The following DDX60L variants were observed in gnomAD, a reference collection of about 807,000 sequenced individuals.
The protein encoded by DDX60L is probable ATP-dependent RNA helicase DDX60-like.
In DDX60L, 191 loss-of-function variants were observed where a neutral mutation model predicts 211.6. The observed-to-expected ratio is 0.90, with a 90% CI of 0.80 to 1.02. The LOEUF (loss-of-function observed/expected upper bound fraction) is 1.02. Ranked by LOEUF, DDX60L falls within the 50% of genes least tolerant of loss-of-function variation. DDX60L has a pLI of 0.00. For missense variants in DDX60L, 2,007 were observed against 1,984.1 expected (o/e 1.01, Z -0.22); for synonymous variants, 706 against 694.1 (o/e 1.02, Z -0.27).
chr4:168,427,300 G>C lies in DDX60L; in HGVS notation c.1700C>G (p.Thr567Ser), dbSNP rs762945646. The C allele has an allele frequency of 1.1e-5, 17 of 1,613,008 alleles. No homozygotes were observed. Among genetic ancestry groups the C allele is most frequent in the Admixed American group, 6.7e-5 (4 of 59,958 alleles). ...AAATGACTTTTTCTTACTCTTTTTG[G>C]TAATTTGGTGGGGTTTGGTATTCTG... ...ILQNTKPHQI[T>S]KKSKKKSFLK... Residue 567 changes from threonine (T) to serine (S), a missense_variant, in exon 14 of 38, where the codon ACC becomes AGC. By Grantham distance (58) the Thr-to-Ser change is moderately conservative (BLOSUM62 1). Coordinates refer to ENST00000682922, the MANE Select transcript of DDX60L (RefSeq NM_001012967.3).
intron 33 of DDX60L, among the ~76,000 whole-genome samples, chr4:168,376,282 G>A (rs1202401607): frequency 6.6e-6 from 1 of 151,950 alleles, no homozygotes; most frequent in Non-Finnish European, 1.5e-5. Context: ...TATTTTATAA[G>A]GGTAAAGATA....
rs997363908 is a variant in DDX60L at position 168,426,977 on chromosome 4, A to G, written c.1930+93T>C. ...AATAAAATCAGACAATGGATTATAC[A>G]AAGTTTTAGCACAACCATGCATTCA... On this transcript the variant is annotated intron_variant, in intron 14 of 37. Coordinates refer to ENST00000682922, the MANE Select transcript of DDX60L (RefSeq NM_001012967.3). The G allele has an allele frequency of 1.0e-4, 137 of 1,323,306 alleles. 2 individuals are homozygous for G. The African/African-American group carries it at 1.7e-3, about 17-fold the overall frequency. 82.0% of individuals were successfully genotyped at this position (1,323,306 alleles called of 1,614,324 possible). A position where few individuals can be genotyped will look rare whatever the true frequency, so the allele number is the denominator to read the frequency against.
chr4:168,403,368 A>G, intron 25 of DDX60L, among the ~76,000 whole-genome samples: 1 of 152,216 alleles, frequency 6.6e-6, no homozygotes, highest in Non-Finnish European at 1.5e-5. Flanking sequence ...GGTCCTGGGA[A>G]TTTATTTTAT....
intron 36 of DDX60L, among the ~76,000 whole-genome samples, chr4:168,366,743 C>T (rs1579175020): frequency 6.6e-6 from 1 of 152,146 alleles, no homozygotes; most frequent in East Asian, 1.9e-4. Flanking sequence ...TACTACAAAG[C>T]TATCATAAAC....
intron 4 of DDX60L, 156 bp downstream of exon 4, chr4:168,471,590 TG>T: frequency 1.9e-6 from 1 of 535,998 alleles, no homozygotes; most frequent in Non-Finnish European, 3.2e-6. Context: ...TGGTTATCTC[TG>T]AGTAGTGAAA....
rs1363807816 is a variant in DDX60L, at chr4:168,461,915, A to G, written c.390T>C (p.Asp130=). 4 of 1,612,282 alleles carry G rather than the reference A, an allele frequency of 2.5e-6. No homozygotes were observed. The highest frequency in any genetic ancestry group is 4.5e-5 in the East Asian group (2 of 44,854). ...AATGCTGTTCCAAGAATAACTTCCA[A>G]TCTTGTGATAAGCATCCAGAAAACT... ...QTEFSGCLSQ[D]WKLFLEQHYP... The change falls in exon 5 of 38, where the codon GAT becomes GAC. Residue 130 remains aspartate, a synonymous_variant. Transcript: ENST00000682922.
chr4:168,407,884 G>A (rs1202930062), intron 22 of DDX60L, among the ~76,000 whole-genome samples: 2 of 152,180 alleles, frequency 1.3e-5, no homozygotes, highest in Non-Finnish European at 2.9e-5. Flanking sequence ...CTTCAAGATT[G>A]TGGTGAGATT....
intron 10 of DDX60L, 43 bp downstream of exon 10, chr4:168,441,294 G>A (rs770535241): frequency 1.3e-6 from 2 of 1,525,430 alleles, no homozygotes; most frequent in East Asian, 2.3e-5. Flanking sequence ...AGTTGTTCAG[G>A]ACAAACATGC....
intron 26 of DDX60L, among the ~76,000 whole-genome samples, chr4:168,399,415 G>C (rs115700009): frequency 0.013 from 2,004 of 152,282 alleles, 37 homozygotes; most frequent in African/African-American, 0.045. Flanking sequence ...TCCAGCCCCA[G>C]CCTCACAGGA....
At chr4:168,475,002 C>G (rs1336383459) in intron 1 of DDX60L, among the ~76,000 whole-genome samples, 1 of 152,124 alleles carries the variant, frequency 6.6e-6, no homozygotes, top group Non-Finnish European at 1.5e-5. Flanking sequence ...AAGAGAAAAT[C>G]TAACGTCTGG....
At chr4:168,377,917 T>C (rs1472652940) in intron 33 of DDX60L, 1 of 152,396 alleles carries the variant, frequency 6.6e-6, no homozygotes, top group Non-Finnish European at 1.5e-5. Flanking sequence ...TTTCAGTCTC[T>C]CAACCCTTAA....
chr4:168,439,327 T>A (rs967943874), intron 10 of DDX60L, among the ~76,000 whole-genome samples: 1 of 152,010 alleles, frequency 6.6e-6, no homozygotes, highest in Non-Finnish European at 1.5e-5. Context: ...CTAGATAATA[T>A]AGAAGAGCCT....
At chr4:168,447,547 A>G (rs1755008096) in intron 9 of DDX60L, among the ~76,000 whole-genome samples, 1 of 152,112 alleles carries the variant, frequency 6.6e-6, no homozygotes, top group African/African-American at 2.4e-5. Context: ...TACCCAAAGG[A>G]CTATAAATCA....
chr4:168,421,610 G>A (rs879653688), intron 17 of DDX60L, 150 bp downstream of exon 17: 47 of 1,000,810 alleles, frequency 4.7e-5, no homozygotes, highest in African/African-American at 2.1e-4. Flanking sequence ...AGCCGAGATC[G>A]CGCCACTGCA....
chr4:168,426,967 T>C (rs1195404948), intron 14 of DDX60L, 103 bp downstream of exon 14: 8 of 1,237,298 alleles, frequency 6.5e-6, no homozygotes, highest in African/African-American at 4.6e-5. Context: ...AATCAGACAA[T>C]GGATTATACA....
intron 28 of DDX60L, 102 bp downstream of exon 28, chr4:168,394,363 G>T: frequency 1.2e-6 from 1 of 842,596 alleles, no homozygotes; most frequent in Non-Finnish European, 1.8e-6. Context: ...AAAGACACTG[G>T]TTAGATGAGA....
At chr4:168,372,445 G>A (rs1209971754) in intron 35 of DDX60L, among the ~76,000 whole-genome samples, 1 of 152,144 alleles carries the variant, frequency 6.6e-6, no homozygotes, top group Non-Finnish European at 1.5e-5. Flanking sequence ...ACAAGTTCAG[G>A]CCAGGCATGG....
chr4:168,429,979 C>A (rs552266906), intron 13 of DDX60L, among the ~76,000 whole-genome samples: 2 of 152,284 alleles, frequency 1.3e-5, no homozygotes, highest in South Asian at 2.1e-4. Context: ...GGGTGGATCA[C>A]CTGAGGTCGG....
intron 29 of DDX60L, among the ~76,000 whole-genome samples, chr4:168,387,579 G>T (rs1361286678): frequency 3.3e-5 from 5 of 152,296 alleles, no homozygotes; most frequent in Non-Finnish European, 5.9e-5. Flanking sequence ...TTTTGCCTCT[G>T]CAGATCTCAT....
Sources: allele counts gnomAD v4.1 joint callset (sites outside exome capture counted in the v4.1 genomes callset), GRCh38; gene constraint gnomAD v4.1.1; transcripts MANE v1.5; gene names NCBI Gene and HGNC (gene_info 2026-07-23, HGNC 2026-07-21).